NELL1: variants seen among roughly 807,000 people sequenced by gnomAD.
NELL1 encodes the protein protein kinase C-binding protein NELL1.
A neutral mutation model predicts 107.4 loss-of-function variants in NELL1; 76 were observed. The ratio of observed to expected loss-of-function variants is 0.71; its 90% CI spans 0.59 to 0.86. NELL1 has a LOEUF of 0.86. Ranked by LOEUF, NELL1 falls within the 40% of genes least tolerant of loss-of-function variation. The pLI is 0.00. For synonymous variants in NELL1, 353 were observed against 341.2 expected, an observed-to-expected ratio of 1.03 and a Z score of -0.38; for missense variants, 1,024 against 1,005.5, an observed-to-expected ratio of 1.02 and a Z score of -0.25.
rs774269954 is a variant in NELL1 at position 21,573,424 on chromosome 11, T to C, written c.2382+15T>C. On this transcript the variant is annotated intron_variant, in intron 19 of 19. Coordinates refer to ENST00000357134, the MANE Select transcript of NELL1 (RefSeq NM_006157.5). ...GTAAATGCAAGGTAATTGGATGTTC[T>C]GCGGATATTGAAGCCTTGAACAATT... The C allele has an allele frequency of 5.6e-6, 9 of 1,605,746 alleles. No individual in the cohort carries two copies. In the South Asian group the frequency reaches 7.7e-5, roughly 14 times the overall value.
chr11:21,217,642 T>G (rs1024814925), intron 13 of NELL1, among the ~76,000 whole-genome samples: 1 of 152,210 alleles, frequency 6.6e-6, no homozygotes, highest in African/African-American at 2.4e-5. Flanking sequence ...CCTTACATGC[T>G]TCAACTCCTA....
intron 13 of NELL1, among the ~76,000 whole-genome samples, chr11:21,175,683 C>G (rs998099840): frequency 6.6e-6 from 1 of 151,834 alleles, no homozygotes; most frequent in Non-Finnish European, 1.5e-5. Flanking sequence ...ATTGGCAGCT[C>G]CGATGCTACA....
intron 12 of NELL1, among the ~76,000 whole-genome samples, chr11:21,059,972 AG>A (rs566162931): frequency 1.3e-5 from 2 of 152,314 alleles, no homozygotes; most frequent in South Asian, 4.1e-4. Context: ...TTTATTAAAA[AG>A]CTCTTATTTT....
At chr11:20,724,751 T>G (rs1396924824) in intron 2 of NELL1, among the ~76,000 whole-genome samples, 4 of 152,216 alleles carry the variant, frequency 2.6e-5, no homozygotes, top group African/African-American at 9.6e-5. Context: ...ATTACCCAGT[T>G]CCAAAGTCCC....
At chr11:21,331,886 G>T (rs1850280084) in intron 14 of NELL1, among the ~76,000 whole-genome samples, 1 of 151,970 alleles carries the variant, frequency 6.6e-6, no homozygotes, top group Non-Finnish European at 1.5e-5. Context: ...ATGCCCTAAA[G>T]CTTGAACTTC....
intron 15 of NELL1, among the ~76,000 whole-genome samples, chr11:21,466,426 G>T (rs1447074540): frequency 6.6e-6 from 1 of 152,128 alleles, no homozygotes; most frequent in East Asian, 1.9e-4. Context: ...ACTCTTTCTT[G>T]TGACAGATGA....
chr11:21,347,524 C>A (rs1481114143), intron 14 of NELL1, among the ~76,000 whole-genome samples: 1 of 152,076 alleles, frequency 6.6e-6, no homozygotes, highest in Non-Finnish European at 1.5e-5. Context: ...ATCGCTTGAA[C>A]CTGGGAGGCA....
chr11:21,530,142 T>C (rs1416889008), intron 15 of NELL1, among the ~76,000 whole-genome samples: 1 of 152,124 alleles, frequency 6.6e-6, no homozygotes, highest in African/African-American at 2.4e-5. Context: ...GTTGAATGAA[T>C]GAAAATATCA....
In NELL1 at chr11:21,370,866, G is replaced by C; in HGVS notation, c.1563G>C (p.Glu521Asp). 1 of 1,611,614 alleles carries C rather than the reference G, an allele frequency of 6.2e-7. No individual in the cohort carries two copies. Among genetic ancestry groups the C allele is most frequent in the Non-Finnish European group, 8.5e-7 (1 of 1,178,718 alleles). ...CTCTTGCAACAGCTTTCTGTGAAGA[G>C]GGCTGCAGATACGGTGGAACGTGTG... is the stretch of plus-strand genomic sequence containing the variant. ...NGTICRAFCE[E>D]GCRYGGTCVA... is the part of the protein sequence containing the mutation. The change falls in exon 15 of 20, where the codon GAG becomes GAC. Residue 521 changes from glutamate to aspartate, a missense_variant. Physicochemically the swap from Glu to Asp is conservative, Grantham distance 45. Coordinates refer to ENST00000357134, the MANE Select transcript of NELL1 (RefSeq NM_006157.5).
intron 15 of NELL1, among the ~76,000 whole-genome samples, chr11:21,403,300 G>T (rs1269158850): frequency 6.6e-6 from 1 of 151,650 alleles, no homozygotes; most frequent in African/African-American, 2.4e-5. Context: ...CTGTGTCAGT[G>T]CTGGGAAGCT....
chr11:21,047,139 A>G (rs1853376394), intron 12 of NELL1, among the ~76,000 whole-genome samples: 1 of 152,150 alleles, frequency 6.6e-6, no homozygotes, highest in African/African-American at 2.4e-5. Context: ...ATGAACTTTT[A>G]GGCTTCTGTG....
intron 15 of NELL1, among the ~76,000 whole-genome samples, chr11:21,409,357 C>T (rs2133807990): frequency 6.6e-6 from 1 of 152,108 alleles, no homozygotes; most frequent in South Asian, 2.1e-4. Flanking sequence ...TGCATGTTCT[C>T]ACTCATAGGT....
chr11:20,913,269 G>T (rs947713245), intron 5 of NELL1, among the ~76,000 whole-genome samples: 4 of 151,796 alleles, frequency 2.6e-5, no homozygotes, highest in Non-Finnish European at 5.9e-5. Flanking sequence ...AAAGCAATTT[G>T]TTTCAGTATT....
chr11:20,782,388 A>G (rs76432134), intron 2 of NELL1, among the ~76,000 whole-genome samples: 41,353 of 151,806 alleles, frequency 0.27, 6,467 homozygotes, highest in African/African-American at 0.43. Context: ...ATACTTGCAG[A>G]TGGGAAAGAC....
chr11:20,844,666 C>T (rs1272537688), intron 3 of NELL1, among the ~76,000 whole-genome samples: 1 of 152,144 alleles, frequency 6.6e-6, no homozygotes, highest in Non-Finnish European at 1.5e-5. Flanking sequence ...ACTTCTGCTC[C>T]CTTCATCAAG....
chr11:21,474,315 G>A (rs1854264326), intron 15 of NELL1, among the ~76,000 whole-genome samples: 1 of 151,958 alleles, frequency 6.6e-6, no homozygotes. Flanking sequence ...TCTTCACTCA[G>A]AGAGCCCTTC....
chr11:20,836,271 C>CA (rs57421402), intron 3 of NELL1, among the ~76,000 whole-genome samples: 3,780 of 123,202 alleles, frequency 0.031, 48 homozygotes, highest in Non-Finnish European at 0.041. Context: ...GGGTAAAATC[C>CA]AAAAAAAAAA....
At chr11:20,873,224 G>C (rs756014925) in intron 4 of NELL1, among the ~76,000 whole-genome samples, 1 of 152,162 alleles carries the variant, frequency 6.6e-6, no homozygotes, top group East Asian at 1.9e-4. Context: ...AGATGGGACC[G>C]ACGACTGTGG....
At chr11:20,881,481 C>G (rs191221108) in intron 4 of NELL1, among the ~76,000 whole-genome samples, 86 of 152,208 alleles carry the variant, frequency 5.7e-4, no homozygotes, top group Middle Eastern at 3.4e-3. Context: ...TAACCAAGGA[C>G]GAGTTATTTG....
Sources: gnomAD v4.1 joint callset for allele counts (sites outside exome capture counted in the v4.1 genomes callset) on GRCh38, gnomAD v4.1.1 for gene constraint, MANE v1.5 for transcripts, NCBI Gene and HGNC (gene_info 2026-07-23, HGNC 2026-07-21) for gene names.